SRRM4: variants seen among roughly 807,000 people sequenced by gnomAD.
SRRM4 encodes serine/arginine repetitive matrix protein 4.
In SRRM4, 33 loss-of-function variants were observed where a neutral mutation model predicts 68.9. The ratio of observed to expected loss-of-function variants is 0.48; its 90% confidence interval spans 0.36 to 0.64. SRRM4 has a LOEUF of 0.64. Ranked by LOEUF, SRRM4 falls within the 30% of genes least tolerant of loss-of-function variation. The pLI is 0.00. For synonymous variants in SRRM4, 318 were observed against 318.8 expected (o/e 1.00, Z 0.03); for missense variants, 817 against 827.1 (o/e 0.99, Z 0.15).
rs1028135760 is a variant in SRRM4, at chr12:119,064,959, T to C, written c.132-37277T>C. On this transcript the variant is annotated intron_variant, in intron 1 of 12. Coordinates refer to ENST00000267260, the MANE Select transcript of SRRM4 (RefSeq NM_194286.4). ...CCATGAATCCTTAATTCCCCTGCTT[T>C]ACTGATAACAATACGAGTTATGATT... 2.6e-5 allele frequency among the ~76,000 whole-genome samples: 4 copies of C among 152,350 alleles called. No homozygotes were observed. The East Asian group carries it at 7.7e-4, about 29-fold the overall frequency.
chr12:119,035,356 C>G (rs1241227196), intron 1 of SRRM4, among the ~76,000 whole-genome samples: 2 of 152,098 alleles, frequency 1.3e-5, no homozygotes, highest in Admixed American at 6.5e-5. Context: ...AAAGTTTGAC[C>G]AATGTGTTTG....
chr12:119,001,300 C>T (rs1307694876), intron 1 of SRRM4: 3 of 152,196 alleles, frequency 2.0e-5, no homozygotes, highest in East Asian at 1.9e-4. Context: ...AGTGATTCAA[C>T]ACTCCTCTTT....
chr12:119,008,449 A>G (rs1294904060), intron 1 of SRRM4, among the ~76,000 whole-genome samples: 2 of 151,848 alleles, frequency 1.3e-5, no homozygotes, highest in Admixed American at 6.6e-5. Context: ...AATGTTGTGT[A>G]ACACCTAACC....
intron 6 of SRRM4, among the ~76,000 whole-genome samples, chr12:119,123,719 C>T (rs7957181): frequency 3.3e-5 from 5 of 152,192 alleles, no homozygotes; most frequent in African/African-American, 4.8e-5. Flanking sequence ...ACCAAGTCTA[C>T]GGTCAGGGCT....
intron 10 of SRRM4, among the ~76,000 whole-genome samples, chr12:119,152,708 A>G (rs1954447435): frequency 6.6e-6 from 1 of 152,206 alleles, no homozygotes; most frequent in South Asian, 2.1e-4. Context: ...TGCATAGCCA[A>G]AGCATAAGTT....
intron 8 of SRRM4, among the ~76,000 whole-genome samples, chr12:119,133,552 C>A (rs1211197516): frequency 6.6e-6 from 1 of 152,198 alleles, no homozygotes; most frequent in Non-Finnish European, 1.5e-5. Flanking sequence ...TCACATGGCC[C>A]CAGATCTGGT....
chr12:119,005,807 G>A (rs187876713), intron 1 of SRRM4, among the ~76,000 whole-genome samples: 187 of 152,256 alleles, frequency 1.2e-3, no homozygotes, highest in Middle Eastern at 3.4e-3. Flanking sequence ...TCAAGGTCTC[G>A]GGATGGGAAA....
At chr12:119,151,680 C>T (rs114470930) in intron 10 of SRRM4, among the ~76,000 whole-genome samples, 2,020 of 152,132 alleles carry the variant, frequency 0.013, 47 homozygotes, top group African/African-American at 0.045. Context: ...CTCACTCATA[C>T]GCCTTTGATT....
intron 1 of SRRM4, among the ~76,000 whole-genome samples, chr12:119,100,251 G>A (rs1021425725): frequency 2.7e-5 from 4 of 148,508 alleles, no homozygotes; most frequent in Non-Finnish European, 4.4e-5. Flanking sequence ...AGCACTTTGG[G>A]AGGCCAAGTC....
In SRRM4 at chr12:119,157,013, G is replaced by T; in HGVS notation, c.*215G>T. On this transcript the variant is annotated 3_prime_UTR_variant, in exon 13 of 13. Coordinates refer to ENST00000267260, the MANE Select transcript of SRRM4 (RefSeq NM_194286.4). The surrounding 1 kb of genome is among the most constrained non-coding windows in gnomAD (Gnocchi z 4.1). ...CAGCATCATCCTGGGGCCCAGCTCA[G>T]GCCTGGGCATATGGAAAGAACCATC... 1.8e-6 allele frequency: 1 copy of T among 547,096 alleles called. No homozygotes were observed. The highest frequency in any genetic ancestry group is 3.1e-6 in the Non-Finnish European group (1 of 320,892). The allele number at this position is 547,096 out of a possible 1,614,324, so 33.9% of individuals were successfully genotyped here.
At position 119,004,543 on chromosome 12, in the gene SRRM4, A is replaced by AT. The variant is rs141265926; in HGVS notation, c.131+22534dup. The stretch of plus-strand genomic sequence containing the variant: ...TTTCTCCATTCATTAGGATTCCTCC[A>AT]TTTTCCATCCTGCAGCTCACAGATG... On this transcript the variant is annotated intron_variant, in intron 1 of 12. Transcript: ENST00000267260. 5.0e-3 allele frequency among the ~76,000 whole-genome samples: 753 copies of AT among 152,044 alleles called. 5 individuals carry two copies. Among genetic ancestry groups the AT allele is most frequent in the African/African-American group, 0.017 (721 of 41,546 alleles).
intron 1 of SRRM4, among the ~76,000 whole-genome samples, chr12:119,058,688 ACTT>A (rs1953792181): frequency 6.6e-6 from 1 of 151,734 alleles, no homozygotes. Context: ...CCCCCTCCCC[ACTT>A]CTTCTGATGC....
intron 1 of SRRM4, among the ~76,000 whole-genome samples, chr12:119,026,645 T>A (rs1953550489): frequency 6.6e-6 from 1 of 152,046 alleles, no homozygotes; most frequent in Non-Finnish European, 1.5e-5. Flanking sequence ...GCCTCCCAGG[T>A]TCAAGTGATT....
At chr12:119,088,752 C>A (rs916891946) in intron 1 of SRRM4, among the ~76,000 whole-genome samples, 2 of 152,122 alleles carry the variant, frequency 1.3e-5, no homozygotes, top group African/African-American at 4.8e-5. Flanking sequence ...AGTGAGGCTT[C>A]TCCTGACAGA....
In SRRM4 at chr12:119,023,047, A is replaced by G. The variant is rs190443438; in HGVS notation, c.131+41034A>G. 3.9e-4 allele frequency among the ~76,000 whole-genome samples: 60 copies of G among 152,238 alleles called. No homozygotes were observed. In the East Asian group the frequency reaches 8.1e-3, roughly 21 times the overall value. On this transcript the variant is annotated intron_variant, in intron 1 of 12. Coordinates refer to ENST00000267260, the MANE Select transcript of SRRM4 (RefSeq NM_194286.4). ...AATTATACTCCGTACTTTTACCTAC[A>G]CCTGTCACGGTAAGAAGAATGTACT...
chr12:119,045,667 C>G (rs78117316), intron 1 of SRRM4, among the ~76,000 whole-genome samples: 1 of 151,966 alleles, frequency 6.6e-6, no homozygotes, highest in African/African-American at 2.4e-5. Context: ...TTTATGGAAC[C>G]GTAAGATGCA....
At chr12:119,156,388 G>A (rs771994620) in intron 12 of SRRM4, 107 bp from the exon 13 acceptor site, 34 of 1,447,484 alleles carry the variant, frequency 2.3e-5, no homozygotes, top group Non-Finnish European at 3.0e-5. Context: ...TTTCCTAAGG[G>A]ACTGGGGAAA....
rs200755711 is a variant in SRRM4, at chr12:119,114,349, G to A, written c.350G>A (p.Arg117Gln). The part of the protein sequence containing the change: ...RGKKKKKKST[R>Q]KKRRRSSSYS... ...AAGAAGAAAAAGAAGAAATCCACTC[G>A]GAAGAAGAGAAGGAGGTAAGAGCAC... The change falls in exon 3 of 13, where the codon CGG becomes CAG. Residue 117 changes from arginine (R) to glutamine (Q), a missense_variant. Transcript: ENST00000267260. The A allele has an allele frequency of 4.3e-5, 69 of 1,607,652 alleles. 1 individual carries two copies. The highest frequency in any genetic ancestry group is 1.3e-4 in the South Asian group (12 of 89,430).
intron 2 of SRRM4, among the ~76,000 whole-genome samples, chr12:119,113,346 G>A (rs1316024766): frequency 2.0e-5 from 3 of 152,164 alleles, no homozygotes; most frequent in East Asian, 1.9e-4. Context: ...TCTCAGGGTA[G>A]GAATCACACA....
Sources: gnomAD v4.1 joint callset for allele counts (sites outside exome capture counted in the v4.1 genomes callset) on GRCh38, gnomAD v4.1.1 for gene constraint, Gnocchi (gnomAD v3.1) non-coding constraint, MANE v1.5 for transcripts, NCBI Gene and HGNC (gene_info 2026-07-23, HGNC 2026-07-21) for gene names.